SGCZ: variants seen among roughly 807,000 people sequenced by gnomAD.
The protein encoded by SGCZ is zeta-sarcoglycan.
Under a neutral mutation model 41.3 loss-of-function variants are expected in SGCZ, and 40 were observed. The observed-to-expected ratio is 0.97, with a 90% CI of 0.75 to 1.26. The LOEUF (loss-of-function observed/expected upper bound fraction) is 1.26, where lower values mean the gene tolerates loss of function less well. Ranked by LOEUF, SGCZ falls within the 50% of genes most tolerant of loss-of-function variation. SGCZ has a pLI of 0.00. For synonymous variants in SGCZ, 206 were observed against 137.5 expected, an observed-to-expected ratio of 1.50 and a Z score of -3.49; for missense variants, 552 against 369.8, an observed-to-expected ratio of 1.49 and a Z score of -4.04.
intron 1 of SGCZ, among the ~76,000 whole-genome samples, chr8:14,694,546 A>G (rs1457086026): frequency 1.3e-5 from 2 of 152,200 alleles, no homozygotes; most frequent in Non-Finnish European, 2.9e-5. Flanking sequence ...CTAGGACTCA[A>G]TAAACTAGTG....
intron 1 of SGCZ, among the ~76,000 whole-genome samples, chr8:15,229,123 C>T (rs1448231251): frequency 1.3e-5 from 2 of 151,962 alleles, no homozygotes; most frequent in African/African-American, 2.4e-5. Context: ...ACCCAGGAGG[C>T]AGAGGTTGTA....
intron 1 of SGCZ, among the ~76,000 whole-genome samples, chr8:15,004,199 A>G (rs1368518988): frequency 6.6e-6 from 1 of 152,166 alleles, no homozygotes; most frequent in African/African-American, 2.4e-5. Context: ...AAGAGGAGAA[A>G]GGAGAAAAGT....
chr8:15,102,961 A>AT (rs1251910658), intron 1 of SGCZ, among the ~76,000 whole-genome samples: 1 of 152,096 alleles, frequency 6.6e-6, no homozygotes, highest in Non-Finnish European at 1.5e-5. Flanking sequence ...GGAATTTACT[A>AT]TTTTTCTGTG....
At chr8:15,227,441 A>T (rs1801815060) in intron 1 of SGCZ, among the ~76,000 whole-genome samples, 1 of 152,194 alleles carries the variant, frequency 6.6e-6, no homozygotes, top group Non-Finnish European at 1.5e-5. Flanking sequence ...ACACCAACTA[A>T]TACCACAATG....
chr8:14,609,699 A>T (rs1805864739), intron 1 of SGCZ, among the ~76,000 whole-genome samples: 1 of 152,178 alleles, frequency 6.6e-6, no homozygotes. Context: ...TCCTCTGGGT[A>T]CCCAGAACTG....
intron 1 of SGCZ, among the ~76,000 whole-genome samples, chr8:15,154,486 G>A (rs1245357438): frequency 2.6e-5 from 4 of 152,136 alleles, no homozygotes; most frequent in Non-Finnish European, 5.9e-5. Flanking sequence ...CACCAGAGAG[G>A]GGACACAGAG....
rs142044979 is a variant in SGCZ, at chr8:14,874,399, T to C, written c.40-319473A>G. ...GGTGTTTTCTACAAGCACAACTTTG[T>C]AGATTATTTTTAATTTTAACTTTAT... On this transcript the variant is annotated intron_variant, in intron 1 of 7. Coordinates refer to ENST00000382080, the MANE Select transcript of SGCZ (RefSeq NM_139167.4). 4.1e-3 allele frequency among the ~76,000 whole-genome samples: 626 copies of C among 152,232 alleles called. 4 individuals carry two copies. Among genetic ancestry groups the C allele is most frequent in the South Asian group, 0.018 (87 of 4,830 alleles).
At chr8:15,048,074 G>A (rs1334942786) in intron 1 of SGCZ, among the ~76,000 whole-genome samples, 2 of 151,960 alleles carry the variant, frequency 1.3e-5, no homozygotes, top group African/African-American at 2.4e-5. Context: ...GCCAAGATAT[G>A]GAGTCAATCT....
At chr8:14,914,253 A>G (rs554927662) in intron 1 of SGCZ, among the ~76,000 whole-genome samples, 134 of 151,102 alleles carry the variant, frequency 8.9e-4, no homozygotes, top group African/African-American at 2.5e-3. Flanking sequence ...GAGAGTGTGT[A>G]ATGTCAATTA....
At chr8:14,912,567 C>T (rs1799307699) in intron 1 of SGCZ, among the ~76,000 whole-genome samples, 1 of 151,870 alleles carries the variant, frequency 6.6e-6, no homozygotes, top group African/African-American at 2.4e-5. Context: ...GTGATGTTTC[C>T]AAGTTGTCAT....
At chr8:14,641,700 T>C in intron 1 of SGCZ, among the ~76,000 whole-genome samples, 1 of 151,648 alleles carries the variant, frequency 6.6e-6, no homozygotes, top group East Asian at 1.9e-4. Context: ...GGACATAGAG[T>C]TTATTGCTAC....
At chr8:14,324,934 C>T (rs1585364527) in intron 2 of SGCZ, among the ~76,000 whole-genome samples, 1 of 152,108 alleles carries the variant, frequency 6.6e-6, no homozygotes, top group Middle Eastern at 3.4e-3. Context: ...GAGGGTGGAA[C>T]AAAATAAACA....
chr8:14,149,836 CAAAT>C, intron 5 of SGCZ, among the ~76,000 whole-genome samples: 3 of 152,126 alleles, frequency 2.0e-5, no homozygotes, highest in African/African-American at 7.2e-5. Context: ...GACACATAGA[CAAAT>C]AAAACATAAT....
At chr8:14,857,390 T>C (rs892001524) in intron 1 of SGCZ, among the ~76,000 whole-genome samples, 3 of 152,230 alleles carry the variant, frequency 2.0e-5, no homozygotes, top group Non-Finnish European at 2.9e-5. Context: ...GCATGTGATT[T>C]GTATTACGAT....
chr8:14,930,145 AAAAC>A lies in SGCZ; in HGVS notation c.39+307436_39+307439del, dbSNP rs1436528504. ...TAAGTTATTTGAAATTTACAAGAAA[AAAAC>A]AAACAACCCCATCAAAAAGTGGGCG... On this transcript the variant is annotated intron_variant, in intron 1 of 7. Transcript: ENST00000382080. Among the ~76,000 whole-genome samples the A allele has an allele frequency of 2.0e-5, 3 of 152,096 alleles. No homozygotes were observed. The East Asian group carries it at 5.8e-4, about 29-fold the overall frequency.
intron 1 of SGCZ, among the ~76,000 whole-genome samples, chr8:14,932,139 G>A (rs1350458002): frequency 2.0e-5 from 3 of 151,772 alleles, no homozygotes; most frequent in African/African-American, 4.9e-5. Context: ...AAAATATGAA[G>A]AAAATAACAT....
At chr8:14,645,895 T>G (rs780725901) in intron 1 of SGCZ, among the ~76,000 whole-genome samples, 5 of 151,414 alleles carry the variant, frequency 3.3e-5, no homozygotes, top group Non-Finnish European at 5.9e-5. Flanking sequence ...TGTTCCATAA[T>G]GTACCTCATG....
At chr8:14,427,447 G>A (rs1271967061) in intron 2 of SGCZ, among the ~76,000 whole-genome samples, 1 of 152,110 alleles carries the variant, frequency 6.6e-6, no homozygotes, top group East Asian at 1.9e-4. Flanking sequence ...TCATACCACA[G>A]AGACCCAAAG....
intron 2 of SGCZ, among the ~76,000 whole-genome samples, chr8:14,450,378 T>C (rs565651430): frequency 1.3e-5 from 2 of 152,178 alleles, no homozygotes; most frequent in Admixed American, 6.5e-5. Flanking sequence ...CAGAATGAAA[T>C]GTAGAAATTG....
Sources: gnomAD v4.1 joint callset for allele counts (sites outside exome capture counted in the v4.1 genomes callset) on GRCh38, gnomAD v4.1.1 for gene constraint, MANE v1.5 for transcripts, NCBI Gene and HGNC (gene_info 2026-07-23, HGNC 2026-07-21) for gene names.